DHRSX: variants seen among roughly 807,000 people sequenced by gnomAD.
DHRSX encodes dehydrogenase/reductase X-linked.
In DHRSX, 31 loss-of-function variants were observed where a neutral mutation model predicts 34.0. The observed-to-expected ratio is 0.91, with a 90% CI of 0.69 to 1.23. DHRSX has a LOEUF of 1.23. DHRSX is among the 50% of genes most tolerant of loss of function. The pLI is 0.00. For synonymous variants in DHRSX, 201 were observed against 183.8 expected, an observed-to-expected ratio of 1.09 and a Z score of -0.76; for missense variants, 414 against 428.1, an observed-to-expected ratio of 0.97 and a Z score of 0.29.
chrX:2,298,612 A>ACACACACGCACACACACACACACG (rs2041967510), intron 3 of DHRSX, among the ~76,000 whole-genome samples: 2 of 57,208 alleles, frequency 3.5e-5, no homozygotes, highest in African/African-American at 1.0e-4. Context: ...ACACACACAC[A>ACACACACGCACACACACACACACG]CACACACACA....
intron 3 of DHRSX, among the ~76,000 whole-genome samples, chrX:2,291,972 TCAG>T (rs2041872631): frequency 6.9e-6 from 1 of 144,862 alleles, no homozygotes; most frequent in African/African-American, 2.6e-5. Context: ...ACTCTTGACC[TCAG>T]GTGATCCGCC....
chrX:2,498,562 C>G lies in DHRSX; in HGVS notation c.109+2255G>C, dbSNP rs1240257674. Among the ~76,000 whole-genome samples the G allele has an allele frequency of 5.3e-5, 8 of 149,804 alleles. 1 individual carries two copies. The highest frequency in any genetic ancestry group is 1.7e-4 in the African/African-American group (7 of 40,644). ...CGGGTACAGATTCCCTTGGCAGACA[C>G]GTGACTTCACCAGAAGCTCGTCCTC... On this transcript the variant is annotated intron_variant, in intron 1 of 6. Coordinates refer to ENST00000334651, the MANE Select transcript of DHRSX (RefSeq NM_145177.3).
rs757115986 is a variant in DHRSX, at chrX:2,480,509, G to A, written c.109+20308C>T. Among the ~76,000 whole-genome samples, 18 of 104,614 alleles carry A rather than the reference G, an allele frequency of 1.7e-4. No individual in the cohort carries two copies. The South Asian group carries it at 6.9e-3, about 40-fold the overall frequency. The allele number at this position is 104,614 out of a possible 152,430, so 68.6% of individuals were successfully genotyped here. ...CAAGCCTGGGCAACATAATGAAACC[G>A]CATCTTTAAAAAAAAAAAAAAAAAT... On this transcript the variant is annotated intron_variant, in intron 1 of 6. Coordinates refer to ENST00000334651, the MANE Select transcript of DHRSX (RefSeq NM_145177.3).
At chrX:2,385,238 G>C (rs1339950579) in intron 3 of DHRSX, among the ~76,000 whole-genome samples, 1 of 151,864 alleles carries the variant, frequency 6.6e-6, no homozygotes, top group Non-Finnish European at 1.5e-5. Flanking sequence ...TTTAGGGAAA[G>C]GAACACAAAT....
At chrX:2,319,854 GT>G (rs1334332765) in intron 3 of DHRSX, among the ~76,000 whole-genome samples, 8 of 151,970 alleles carry the variant, frequency 5.3e-5, no homozygotes, top group African/African-American at 1.9e-4. Flanking sequence ...TCGAGGTGGA[GT>G]TTCCCTCTTG....
intron 5 of DHRSX, among the ~76,000 whole-genome samples, chrX:2,244,574 T>C: frequency 1.3e-5 from 2 of 152,320 alleles, no homozygotes; most frequent in Middle Eastern, 3.4e-3. Flanking sequence ...TGAGCAATAA[T>C]GTTTTTCTTT....
chrX:2,469,108 A>G (rs1346906860), intron 1 of DHRSX, among the ~76,000 whole-genome samples: 1 of 151,762 alleles, frequency 6.6e-6, no homozygotes, highest in African/African-American at 2.4e-5. Context: ...TGCCATGTAC[A>G]CACTGAAGAC....
chrX:2,498,597 C>T lies in DHRSX; in HGVS notation c.109+2220G>A, dbSNP rs185588142. The stretch of plus-strand genomic sequence containing the variant: ...CCAGAAGCTCGTCCTCTTTAACAAC[C>T]TTCTGTTGTTGTTTAATCAGTAAAT... On this transcript the variant is annotated intron_variant, in intron 1 of 6. Transcript: ENST00000334651. Among the ~76,000 whole-genome samples the T allele has an allele frequency of 6.5e-3, 961 of 147,046 alleles. 26 individuals are homozygous for T. Among genetic ancestry groups the T allele is most frequent in the Admixed American group, 0.06 (876 of 14,650 alleles).
At chrX:2,358,205 G>A (rs1356812231) in intron 3 of DHRSX, among the ~76,000 whole-genome samples, 1 of 152,134 alleles carries the variant, frequency 6.6e-6, no homozygotes, top group Admixed American at 6.6e-5. Flanking sequence ...ACTATCAACA[G>A]CGTGAACAGA....
chrX:2,390,193 G>T (rs1192076022), intron 3 of DHRSX, among the ~76,000 whole-genome samples: 1 of 143,064 alleles, frequency 7.0e-6, no homozygotes, highest in African/African-American at 2.7e-5. Context: ...GCCCATCCTG[G>T]AGTGTAATAG....
At chrX:2,432,333 C>T (rs1250011404) in intron 1 of DHRSX, among the ~76,000 whole-genome samples, 1 of 152,104 alleles carries the variant, frequency 6.6e-6, no homozygotes, top group African/African-American at 2.4e-5. Flanking sequence ...AGATAGTTCA[C>T]AGAATTTCTT....
chrX:2,315,096 T>G (rs1467636361), intron 3 of DHRSX, among the ~76,000 whole-genome samples: 1 of 151,806 alleles, frequency 6.6e-6, no homozygotes, highest in Non-Finnish European at 1.5e-5. Context: ...AGGTGGAGGT[T>G]GCGGTGAGCT....
At chrX:2,326,245 A>G (rs1055246791) in intron 3 of DHRSX, among the ~76,000 whole-genome samples, 3 of 152,102 alleles carry the variant, frequency 2.0e-5, no homozygotes, top group African/African-American at 7.2e-5. Context: ...ACTCCTGGCC[A>G]GGCATGGTGG....
chrX:2,338,863 C>A (rs1037812711), intron 3 of DHRSX, among the ~76,000 whole-genome samples: 1 of 152,004 alleles, frequency 6.6e-6, no homozygotes, highest in African/African-American at 2.4e-5. Context: ...GCTCTCTCTA[C>A]CATGGGGTAT....
chrX:2,350,277 G>A (rs759650542), intron 3 of DHRSX, among the ~76,000 whole-genome samples: 2 of 152,142 alleles, frequency 1.3e-5, no homozygotes, highest in Non-Finnish European at 1.5e-5. Context: ...TTTGAACTTG[G>A]GAGGCGGAGG....
At chrX:2,228,781 G>C (rs1403967061) in intron 6 of DHRSX, among the ~76,000 whole-genome samples, 1 of 152,118 alleles carries the variant, frequency 6.6e-6, no homozygotes, top group East Asian at 1.9e-4. Flanking sequence ...GGCACACAGA[G>C]ATATTTGCCT....
At chrX:2,369,848 G>T (rs140113933) in intron 3 of DHRSX, among the ~76,000 whole-genome samples, 2 of 152,110 alleles carry the variant, frequency 1.3e-5, no homozygotes, top group East Asian at 3.9e-4. Context: ...TCACCATGTT[G>T]GTCAGGCTGG....
At chrX:2,233,688 G>T (rs1034976595) in intron 6 of DHRSX, among the ~76,000 whole-genome samples, 11 of 152,106 alleles carry the variant, frequency 7.2e-5, no homozygotes, top group African/African-American at 2.7e-4. Flanking sequence ...CAAAGGAAGA[G>T]AATTTCAGAA....
chrX:2,495,311 G>A (rs1399454126), intron 1 of DHRSX, among the ~76,000 whole-genome samples: 9 of 151,070 alleles, frequency 6.0e-5, no homozygotes, highest in Non-Finnish European at 1.3e-4. Context: ...ATTATTATTG[G>A]GCTGAAAGAC....
Sources: allele counts gnomAD v4.1 joint callset (sites outside exome capture counted in the v4.1 genomes callset), GRCh38; gene constraint gnomAD v4.1.1; transcripts MANE v1.5; gene names NCBI Gene and HGNC (gene_info 2026-07-23, HGNC 2026-07-21).